NDUFAF7: variants seen among roughly 807,000 people sequenced by gnomAD.
NDUFAF7 encodes NADH:ubiquinone oxidoreductase complex assembly factor 7, also known as protein arginine methyltransferase NDUFAF7, mitochondrial.
Under a neutral mutation model 47.2 loss-of-function variants are expected in NDUFAF7, and 48 were observed. The observed-to-expected ratio is 1.02, with a 90% confidence interval of 0.81 to 1.29. The LOEUF (loss-of-function observed/expected upper bound fraction) is 1.29. NDUFAF7 is among the 50% of genes most tolerant of loss of function. NDUFAF7 has a pLI of 0.00. For missense variants in NDUFAF7, 635 were observed against 537.6 expected (o/e 1.18, Z -1.79); for synonymous variants, 217 against 190.0 (o/e 1.14, Z -1.17).
downstream of NDUFAF7, among the ~76,000 whole-genome samples, chr2:37,256,057 T>C (rs920963177): frequency 6.6e-6 from 1 of 152,142 alleles, no homozygotes; most frequent in Non-Finnish European, 1.5e-5. Context: ...TTTTTTAGCC[T>C]AAGTAAATTC....
At chr2:37,267,340 CCTT>C in the NDUFAF7 span, 3 of 880,658 alleles carry the variant, frequency 3.4e-6, no homozygotes, top group East Asian at 2.6e-5. Context: ...TCTAATTTTG[CCTT>C]CTTAAAAAAA....
downstream of NDUFAF7, chr2:37,254,350 G>C (rs1306312224): frequency 8.3e-6 from 11 of 1,325,920 alleles, no homozygotes; most frequent in Middle Eastern, 1.8e-4. Context: ...CCAAACTTGT[G>C]ACTGCCTAGA....
At chr2:37,231,853 G>A in intron 1 of NDUFAF7, 93 bp downstream of exon 1, 1 of 1,589,424 alleles carries the variant, frequency 6.3e-7, no homozygotes, top group South Asian at 1.1e-5. Context: ...GGGATCAAGG[G>A]CTCGGGGGCT....
chr2:37,237,399 CATGTAATT>C (rs1281930531), intron 3 of NDUFAF7, among the ~76,000 whole-genome samples: 1 of 152,248 alleles, frequency 6.6e-6, no homozygotes, highest in Non-Finnish European at 1.5e-5. Context: ...TTATAAGAAT[CATGTAATT>C]GTTTAAATCA....
chr2:37,268,483 A>C, the NDUFAF7 span: 1 of 379,608 alleles, frequency 2.6e-6, no homozygotes, highest in Non-Finnish European at 5.2e-6. Context: ...AGATCCAGAC[A>C]TCTCACAGCC....
At chr2:37,270,477 G>A in the NDUFAF7 span, among the ~76,000 whole-genome samples, 2 of 151,698 alleles carry the variant, frequency 1.3e-5, no homozygotes, top group African/African-American at 4.8e-5. Flanking sequence ...TTTCCTCACT[G>A]CTCTTCGCCC....
chr2:37,264,819 CATAAAGA>C, the NDUFAF7 span, among the ~76,000 whole-genome samples: 1 of 151,996 alleles, frequency 6.6e-6, no homozygotes. Flanking sequence ...GATTCACTTT[CATAAAGA>C]ATAATCACAG....
Position 37,248,291 on chromosome 2 carries a change from C to A in NDUFAF7, c.1267C>A (p.Arg423Ser). Reference protein sequence around the residue: ...LQGGRYQRNARQSKPFASVVA... With the variant: ...LQGGRYQRNASQSKPFASVVA... ...AGGTGGAAGATATCAGAGGAATGCA[C>A]GTCAGTCAAAACCCTTTGCATCCGT... Residue 423 changes from arginine (R) to serine (S), a missense_variant, in exon 10 of 10, where the codon CGT becomes AGT. By Grantham distance (110) the Arg-to-Ser change is moderately radical. Coordinates refer to ENST00000002125, the MANE Select transcript of NDUFAF7 (RefSeq NM_144736.5). 6.2e-7 allele frequency: 1 copy of A among 1,614,120 alleles called. No individual in the cohort carries two copies. Among genetic ancestry groups the A allele is most frequent in the Non-Finnish European group, 8.5e-7 (1 of 1,179,990 alleles).
the NDUFAF7 span, among the ~76,000 whole-genome samples, chr2:37,258,625 T>C: frequency 6.6e-6 from 1 of 152,302 alleles, no homozygotes; most frequent in East Asian, 1.9e-4. Context: ...TGAGATAATA[T>C]ATGGAAGCAG....
chr2:37,236,722 A>C (rs1262270281), intron 3 of NDUFAF7, among the ~76,000 whole-genome samples: 1 of 151,244 alleles, frequency 6.6e-6, no homozygotes, highest in Non-Finnish European at 1.5e-5. Context: ...CGGAGCTTGC[A>C]GTGAGCCAAG....
downstream of NDUFAF7, among the ~76,000 whole-genome samples, chr2:37,257,592 G>A (rs943964411): frequency 6.9e-6 from 1 of 145,018 alleles, no homozygotes; most frequent in Non-Finnish European, 1.5e-5. Context: ...CGTGAACCCA[G>A]GAGGCAGAGC....
chr2:37,241,113 G>T (rs1666290309), intron 4 of NDUFAF7, among the ~76,000 whole-genome samples: 1 of 151,870 alleles, frequency 6.6e-6, no homozygotes, highest in African/African-American at 2.4e-5. Flanking sequence ...GCTAAATATA[G>T]ATTGAAAATG....
chr2:37,236,780 C>CA (rs557865044), intron 3 of NDUFAF7, among the ~76,000 whole-genome samples: 12,539 of 96,796 alleles, frequency 0.13, 721 homozygotes, highest in East Asian at 0.35. Context: ...AACTCCGTCT[C>CA]AAAAAAAAAA....
At chr2:37,234,682 G>T (rs1012491760) in intron 2 of NDUFAF7, among the ~76,000 whole-genome samples, 4 of 152,136 alleles carry the variant, frequency 2.6e-5, no homozygotes, top group Non-Finnish European at 4.4e-5. Context: ...AATGCTGAAG[G>T]GGGAAAGTTG....
At chr2:37,260,396 T>G in the NDUFAF7 span, 1 of 1,605,218 alleles carries the variant, frequency 6.2e-7, no homozygotes, top group South Asian at 1.1e-5. Context: ...TGAAGAGAGG[T>G]TGCAAGATAC....
rs769128687 is a variant in NDUFAF7, at chr2:37,243,819, A to G, written c.682-44A>G. 15 of 1,488,368 alleles carry G rather than the reference A, an allele frequency of 1.0e-5. No individual in the cohort carries two copies. The Admixed American group carries it at 2.4e-4, about 24-fold the overall frequency. The allele number at this position is 1,488,368 out of a possible 1,614,324, so 92.2% of individuals were successfully genotyped here. A position where few individuals can be genotyped will look rare whatever the true frequency, so the allele number is the denominator to read the frequency against. On this transcript the variant is annotated intron_variant, in intron 6 of 9. Transcript: ENST00000002125. The stretch of plus-strand genomic sequence containing the variant: ...ATTTTTGGTAGAAGCAATGTAGAGA[A>G]CAAACTTGCAAAAATTTGTTTTTAT...
chr2:37,267,180 G>A, the NDUFAF7 span, among the ~76,000 whole-genome samples: 3 of 152,056 alleles, frequency 2.0e-5, no homozygotes, highest in Non-Finnish European at 4.4e-5. Context: ...ACAAAATGTG[G>A]CAAAGTATCC....
rs771670718 is a variant in NDUFAF7, at chr2:37,235,271, C to A, written c.217-825C>A. ...GCAAGGCTAATAAGAAAAAAAAAAA[C>A]AACCCTTTTTCTGGAGATATAATAT... On this transcript the variant is annotated intron_variant, in intron 2 of 9. Transcript: ENST00000002125. Among the ~76,000 whole-genome samples the A allele has an allele frequency of 9.9e-5, 15 of 151,482 alleles. No individual in the cohort carries two copies. In the South Asian group the frequency reaches 2.7e-3, roughly 27 times the overall value.
the NDUFAF7 span, among the ~76,000 whole-genome samples, chr2:37,258,938 G>A: frequency 2.0e-5 from 3 of 152,064 alleles, no homozygotes; most frequent in African/African-American, 4.8e-5. Context: ...TATGGAAAAT[G>A]GCTGCAGGGT....
Sources: gnomAD v4.1 joint callset for allele counts (sites outside exome capture counted in the v4.1 genomes callset) on GRCh38, gnomAD v4.1.1 for gene constraint, MANE v1.5 for transcripts, NCBI Gene and HGNC (gene_info 2026-07-23, HGNC 2026-07-21) for gene names.